CLSTN2: variants seen among roughly 807,000 people sequenced by gnomAD.
The protein encoded by CLSTN2 is calsyntenin 2, also known as calsyntenin-2.
In CLSTN2, 48 loss-of-function variants were observed where a neutral mutation model predicts 101.2. The ratio of observed to expected loss-of-function variants is 0.47; its 90% confidence interval spans 0.38 to 0.60. The LOEUF is 0.60. CLSTN2 is among the 20% of genes least tolerant of loss of function. The pLI is 0.00. For synonymous variants in CLSTN2, 481 were observed against 463.6 expected, an observed-to-expected ratio of 1.04 and a Z score of -0.48; for missense variants, 1,160 against 1,238.2, an observed-to-expected ratio of 0.94 and a Z score of 0.95.
intron 1 of CLSTN2, among the ~76,000 whole-genome samples, chr3:139,977,224 G>C (rs1413678476): frequency 6.6e-6 from 1 of 152,140 alleles, no homozygotes; most frequent in African/African-American, 2.4e-5. Flanking sequence ...GAGCTGGCTG[G>C]GAAATGCTTT....
chr3:140,306,669 C>T (rs558957444), intron 2 of CLSTN2, among the ~76,000 whole-genome samples: 76 of 152,164 alleles, frequency 5.0e-4, no homozygotes, highest in African/African-American at 1.6e-3. Flanking sequence ...TGGTCATTCA[C>T]GCTGTGTGTT....
At chr3:140,055,077 T>C (rs2008074314) in intron 1 of CLSTN2, among the ~76,000 whole-genome samples, 1 of 152,246 alleles carries the variant, frequency 6.6e-6, no homozygotes, top group African/African-American at 2.4e-5. Flanking sequence ...TAATGTTGGA[T>C]TTTCCTTCTA....
intron 5 of CLSTN2, among the ~76,000 whole-genome samples, chr3:140,428,841 A>C (rs528845644): frequency 6.6e-6 from 1 of 152,266 alleles, no homozygotes; most frequent in South Asian, 2.1e-4. Context: ...ACCATCCCAC[A>C]AACAGGTCCT....
At chr3:139,975,718 T>C (rs977692190) in intron 1 of CLSTN2, among the ~76,000 whole-genome samples, 1 of 152,128 alleles carries the variant, frequency 6.6e-6, no homozygotes, top group African/African-American at 2.4e-5. Context: ...GGCTGACACA[T>C]AGTGGGACGC....
At chr3:140,060,231 A>C (rs16849766) in intron 1 of CLSTN2, among the ~76,000 whole-genome samples, 21,909 of 152,190 alleles carry the variant, frequency 0.14, 1,747 homozygotes, top group Admixed American at 0.24. Flanking sequence ...CCGTTGTGAA[A>C]GCTGAAAGAC....
intron 1 of CLSTN2, among the ~76,000 whole-genome samples, chr3:140,007,599 A>T (rs1560068137): frequency 6.6e-6 from 1 of 152,198 alleles, no homozygotes; most frequent in Non-Finnish European, 1.5e-5. Flanking sequence ...GGTTTAAATA[A>T]TGCTGGGGAT....
chr3:140,345,545 C>A (rs112719196), intron 2 of CLSTN2, among the ~76,000 whole-genome samples: 2 of 151,552 alleles, frequency 1.3e-5, no homozygotes, highest in African/African-American at 4.9e-5. Flanking sequence ...CCACCGCGCC[C>A]GGCCGGATAT....
intron 1 of CLSTN2, among the ~76,000 whole-genome samples, chr3:140,065,420 C>T (rs2008282904): frequency 6.6e-6 from 1 of 152,222 alleles, no homozygotes; most frequent in Admixed American, 6.5e-5. Context: ...GTTTTGAGCA[C>T]TTGTTCAAAT....
In CLSTN2 at chr3:140,112,515, A is replaced by G. The variant is rs139803558; in HGVS notation, c.110-63436A>G. Among the ~76,000 whole-genome samples the G allele has an allele frequency of 2.8e-3, 429 of 152,332 alleles. 2 individuals are homozygous for G. Among genetic ancestry groups the G allele is most frequent in the African/African-American group, 0.01 (417 of 41,578 alleles). On this transcript the variant is annotated intron_variant, in intron 1 of 16. Coordinates refer to ENST00000458420, the MANE Select transcript of CLSTN2 (RefSeq NM_022131.3). Reference sequence around the variant, plus strand: ...ATCTCAGCACGTGGTGCAGATGCAGACAGCCGTGCACCTGGACATTATACA... The same window carrying G: ...ATCTCAGCACGTGGTGCAGATGCAGGCAGCCGTGCACCTGGACATTATACA...
chr3:139,998,994 G>GAT (rs36115163), intron 1 of CLSTN2, among the ~76,000 whole-genome samples: 6 of 150,662 alleles, frequency 4.0e-5, no homozygotes, highest in Admixed American at 2.0e-4. Context: ...CGGACCTTGT[G>GAT]TTTTTTTTTT....
intron 2 of CLSTN2, among the ~76,000 whole-genome samples, chr3:140,196,841 T>C (rs2107839148): frequency 6.6e-6 from 1 of 152,344 alleles, no homozygotes; most frequent in African/African-American, 2.4e-5. Flanking sequence ...GTTATTTTGT[T>C]ATGAAAAACA....
intron 1 of CLSTN2, among the ~76,000 whole-genome samples, chr3:140,046,083 T>G (rs899647018): frequency 1.6e-4 from 24 of 152,254 alleles, no homozygotes; most frequent in Admixed American, 2.0e-4. Flanking sequence ...GTTAACTTTC[T>G]GTCTTGTTGA....
intron 2 of CLSTN2, among the ~76,000 whole-genome samples, chr3:140,381,668 C>T (rs977471702): frequency 1.3e-5 from 2 of 152,206 alleles, no homozygotes; most frequent in African/African-American, 4.8e-5. Flanking sequence ...GACATCATGG[C>T]CTTGACTCCA....
intron 2 of CLSTN2, among the ~76,000 whole-genome samples, chr3:140,319,369 T>C (rs2087259985): frequency 6.6e-6 from 1 of 152,184 alleles, no homozygotes; most frequent in South Asian, 2.1e-4. Context: ...CCAGTGGTAC[T>C]TGGGTCTGCG....
At chr3:140,351,658 G>C (rs200064042) in intron 2 of CLSTN2, among the ~76,000 whole-genome samples, 42 of 152,316 alleles carry the variant, frequency 2.8e-4, no homozygotes, top group African/African-American at 9.9e-4. Context: ...TTAAATGAAC[G>C]GGTGTGAAAA....
At chr3:140,416,791 G>A (rs1194752253) in intron 4 of CLSTN2, among the ~76,000 whole-genome samples, 3 of 152,214 alleles carry the variant, frequency 2.0e-5, no homozygotes, top group Non-Finnish European at 2.9e-5. Context: ...GGCTCTCAAC[G>A]ACACCCAGTT....
chr3:140,299,627 C>T (rs1012883142), intron 2 of CLSTN2, among the ~76,000 whole-genome samples: 1 of 152,154 alleles, frequency 6.6e-6, no homozygotes, highest in Admixed American at 6.5e-5. Context: ...GTTTTTGTGT[C>T]GGTCACCTAT....
At chr3:140,470,769 A>G (rs958366264) in intron 8 of CLSTN2, among the ~76,000 whole-genome samples, 3 of 152,234 alleles carry the variant, frequency 2.0e-5, no homozygotes, top group Non-Finnish European at 2.9e-5. Flanking sequence ...TTAAGCAAAT[A>G]TAACTCATGC....
At chr3:140,308,382 A>C (rs1027483424) in intron 2 of CLSTN2, among the ~76,000 whole-genome samples, 2 of 152,248 alleles carry the variant, frequency 1.3e-5, no homozygotes, top group African/African-American at 4.8e-5. Context: ...GGAAGGTAGC[A>C]TTGGTAAACC....
Sources: gnomAD v4.1 joint callset for allele counts (sites outside exome capture counted in the v4.1 genomes callset) on GRCh38, gnomAD v4.1.1 for gene constraint, MANE v1.5 for transcripts, NCBI Gene and HGNC (gene_info 2026-07-23, HGNC 2026-07-21) for gene names.